ACTR3C: variants seen among roughly 807,000 people sequenced by gnomAD.
ACTR3C encodes actin related protein 3C, also known as actin-related protein 3C.
ACTR3C carries 18 observed loss-of-function variants against 26.3 expected under a neutral mutation model. The observed-to-expected ratio is 0.68, with a 90% CI of 0.47 to 1.01. The LOEUF is 1.01. ACTR3C is among the 50% of genes least tolerant of loss of function. The pLI, the probability that ACTR3C is intolerant of heterozygous loss-of-function variation, is 0.00. For missense variants in ACTR3C, 184 were observed against 250.7 expected (o/e 0.73, Z 1.80); for synonymous variants, 55 against 94.5 (o/e 0.58, Z 2.42).
chr7:150,046,470 G>GC, the ACTR3C span, among the ~76,000 whole-genome samples: 1 of 151,092 alleles, frequency 6.6e-6, no homozygotes, highest in Admixed American at 6.6e-5. Context: ...GCAATGTACT[G>GC]CCCTGGGTAC....
chr7:150,037,492 C>T, the ACTR3C span, among the ~76,000 whole-genome samples: 5 of 49,910 alleles, frequency 1.0e-4, 2 homozygotes, highest in African/African-American at 3.3e-4. Flanking sequence ...TAGCAACAGC[C>T]GGGGGTGGAA....
the ACTR3C span, among the ~76,000 whole-genome samples, chr7:150,049,730 C>T: frequency 1.3e-5 from 2 of 152,202 alleles, no homozygotes; most frequent in African/African-American, 2.4e-5. Flanking sequence ...CAGTCCCTTC[C>T]ACCTGCCTCC....
chr7:150,308,436 C>T (rs1049500266), intron 1 of ACTR3C, among the ~76,000 whole-genome samples: 1 of 152,136 alleles, frequency 6.6e-6, no homozygotes, highest in African/African-American at 2.4e-5. Flanking sequence ...TCCCACAAGA[C>T]CTAGATAAAT....
intron 2 of ACTR3C, among the ~76,000 whole-genome samples, chr7:150,293,888 A>G (rs1162942201): frequency 6.6e-6 from 1 of 152,224 alleles, no homozygotes; most frequent in Non-Finnish European, 1.5e-5. Flanking sequence ...GTGAGCCATA[A>G]TCGCACCACT....
At chr7:150,019,523 C>T in the ACTR3C span, among the ~76,000 whole-genome samples, 3 of 150,592 alleles carry the variant, frequency 2.0e-5, no homozygotes, top group African/African-American at 7.4e-5. Flanking sequence ...ACCCGGGAGG[C>T]AGAGGTTGCA....
the ACTR3C span, among the ~76,000 whole-genome samples, chr7:150,159,948 T>A: frequency 8.4e-3 from 1,271 of 152,066 alleles, 21 homozygotes; most frequent in African/African-American, 0.028. Flanking sequence ...GGGCCTGCCA[T>A]CATGCCTGGC....
the ACTR3C span, among the ~76,000 whole-genome samples, chr7:149,995,638 T>C: frequency 6.6e-6 from 1 of 152,364 alleles, no homozygotes; most frequent in Non-Finnish European, 1.5e-5. Flanking sequence ...TGATCTGAAC[T>C]GGAAATTACA....
the ACTR3C span, chr7:150,062,235 A>G: frequency 4.8e-3 from 130 of 27,216 alleles, 1 homozygote; most frequent in Non-Finnish European, 6.2e-3. Flanking sequence ...AGTGCCTTTC[A>G]AAAATGATGA....
At chr7:150,198,725 C>G in the ACTR3C span, among the ~76,000 whole-genome samples, 2 of 133,252 alleles carry the variant, frequency 1.5e-5, no homozygotes, top group African/African-American at 2.7e-5. Flanking sequence ...CGTCTCCGCC[C>G]GGCAGCCACC....
chr7:149,928,958 G>A, the ACTR3C span, among the ~76,000 whole-genome samples: 22 of 152,182 alleles, frequency 1.4e-4, no homozygotes, highest in African/African-American at 5.1e-4. Flanking sequence ...CAATGAGGAC[G>A]GCATAATGGA....
the ACTR3C span, among the ~76,000 whole-genome samples, chr7:150,126,614 C>T: frequency 4.0e-5 from 6 of 151,160 alleles, no homozygotes; most frequent in South Asian, 2.1e-4. Flanking sequence ...CCTGAAACAC[C>T]CCATCAAGGA....
chr7:150,117,438 T>G, the ACTR3C span, among the ~76,000 whole-genome samples: 1 of 152,128 alleles, frequency 6.6e-6, no homozygotes, highest in African/African-American at 2.4e-5. Flanking sequence ...TACATGGTTT[T>G]CCCCTCACAG....
the ACTR3C span, chr7:150,002,308 C>T: frequency 0.14 from 21,100 of 152,238 alleles, 1,751 homozygotes; most frequent in South Asian, 0.2. Flanking sequence ...ATTCAGCACA[C>T]AGAGCCTGAA....
chr7:150,137,686 A>T, the ACTR3C span, among the ~76,000 whole-genome samples: 2 of 152,246 alleles, frequency 1.3e-5, no homozygotes, highest in African/African-American at 2.4e-5. Flanking sequence ...ATGAAGGAAC[A>T]GTTAATTTAG....
At chr7:150,133,912 A>G in the ACTR3C span, among the ~76,000 whole-genome samples, 1 of 151,932 alleles carries the variant, frequency 6.6e-6, no homozygotes, top group Non-Finnish European at 1.5e-5. Context: ...TAATTTTTCT[A>G]TTTTTGGTAG....
chr7:150,258,580 C>T (rs1263300096), intron 6 of ACTR3C, among the ~76,000 whole-genome samples: 2 of 152,272 alleles, frequency 1.3e-5, no homozygotes, highest in Non-Finnish European at 2.9e-5. Context: ...GAACTGACGT[C>T]CTTAGTAATT....
the ACTR3C span, among the ~76,000 whole-genome samples, chr7:149,907,927 A>G: frequency 6.6e-6 from 1 of 152,088 alleles, no homozygotes; most frequent in East Asian, 1.9e-4. Flanking sequence ...ATCCTACAGA[A>G]CACCAATTGT....
the ACTR3C span, among the ~76,000 whole-genome samples, chr7:149,893,366 C>G: frequency 2.6e-5 from 4 of 152,200 alleles, no homozygotes; most frequent in African/African-American, 9.6e-5. Context: ...TGTCAGATAA[C>G]ATCCATCTTT....
chr7:149,922,242 T>C, the ACTR3C span, among the ~76,000 whole-genome samples: 1 of 135,224 alleles, frequency 7.4e-6, no homozygotes, highest in African/African-American at 2.5e-5. Flanking sequence ...AATTCCAAAG[T>C]TCATTGTGGA....
Sources: allele counts gnomAD v4.1 joint callset (sites outside exome capture counted in the v4.1 genomes callset), GRCh38; gene constraint gnomAD v4.1.1; transcripts MANE v1.5; gene names NCBI Gene and HGNC (gene_info 2026-07-23, HGNC 2026-07-21).